MCPH1: variants seen among roughly 807,000 people sequenced by gnomAD.
The protein encoded by MCPH1 is microcephalin.
A neutral mutation model predicts 84.5 loss-of-function variants in MCPH1; 104 were observed. That is an observed-to-expected ratio of 1.23 (90% CI 1.05 to 1.45). The LOEUF is 1.45. Among genes scored for constraint, MCPH1 ranks in the 40% most tolerant of loss-of-function variants. The pLI is 0.00. For missense variants in MCPH1, 1,498 were observed against 1,005.7 expected (o/e 1.49, Z -6.62); for synonymous variants, 514 against 366.8 (o/e 1.40, Z -4.58).
chr8:6,474,025 A>C (rs1808113024), intron 9 of MCPH1: 3 of 841,404 alleles, frequency 3.6e-6, no homozygotes, highest in African/African-American at 3.3e-5. Flanking sequence ...GTTTCTTCTC[A>C]TTATAACCCC....
At chr8:6,526,169 C>T (rs1040681208) in intron 12 of MCPH1, among the ~76,000 whole-genome samples, 1 of 150,406 alleles carries the variant, frequency 6.6e-6, no homozygotes, top group African/African-American at 2.5e-5. Context: ...CCTGTAATCC[C>T]AGCACTTTAG....
At chr8:6,563,140 T>G (rs1586643998) in intron 12 of MCPH1, 2 of 502,384 alleles carry the variant, frequency 4.0e-6, no homozygotes, top group East Asian at 6.6e-5. Context: ...ACTGTCAGAT[T>G]GCAGTGGGAA....
intron 12 of MCPH1, among the ~76,000 whole-genome samples, chr8:6,555,653 G>A (rs566647891): frequency 1.3e-5 from 2 of 151,958 alleles, no homozygotes; most frequent in Non-Finnish European, 1.5e-5. Flanking sequence ...GGTAGAGACG[G>A]GGTTTCATCG....
At chr8:6,530,000 A>G (rs1160109494) in intron 12 of MCPH1, among the ~76,000 whole-genome samples, 2 of 151,784 alleles carry the variant, frequency 1.3e-5, no homozygotes, top group Non-Finnish European at 2.9e-5. Context: ...TTTCATTACT[A>G]TTATTATTTT....
At chr8:6,588,634 C>T (rs577175797) in intron 12 of MCPH1, among the ~76,000 whole-genome samples, 2 of 152,276 alleles carry the variant, frequency 1.3e-5, no homozygotes, top group Admixed American at 6.5e-5. Context: ...GTGTCTCTGG[C>T]GGCCACATCT....
chr8:6,495,958 C>T (rs2129561721), intron 11 of MCPH1, among the ~76,000 whole-genome samples: 1 of 152,214 alleles, frequency 6.6e-6, no homozygotes, highest in Non-Finnish European at 1.5e-5. Flanking sequence ...TTTTTGGCAC[C>T]AAGGACCAGT....
intron 12 of MCPH1, among the ~76,000 whole-genome samples, chr8:6,516,641 A>T (rs528033476): frequency 3.4e-4 from 52 of 152,358 alleles, no homozygotes; most frequent in Middle Eastern, 3.4e-3. Flanking sequence ...TTCATAAACC[A>T]GCTGAATAAG....
intron 12 of MCPH1, among the ~76,000 whole-genome samples, chr8:6,604,732 T>C (rs1479519991): frequency 1.3e-5 from 2 of 152,242 alleles, no homozygotes; most frequent in Non-Finnish European, 2.9e-5. Flanking sequence ...CTCGAATTCC[T>C]GACCTCAGGG....
chr8:6,428,085 A>C (rs1340439037), intron 3 of MCPH1, among the ~76,000 whole-genome samples: 1 of 151,832 alleles, frequency 6.6e-6, no homozygotes, highest in African/African-American at 2.4e-5. Context: ...CCTCGCCTAT[A>C]CTGTATTTTT....
At position 6,528,569 on chromosome 8, in the gene MCPH1, A is replaced by T. The variant is rs547467772; in HGVS notation, c.2214+28640A>T. Among the ~76,000 whole-genome samples the T allele has an allele frequency of 2.6e-5, 4 of 152,368 alleles. No homozygotes were observed. The South Asian group carries it at 8.3e-4, about 32-fold the overall frequency. On this transcript the variant is annotated intron_variant, in intron 12 of 13. Transcript: ENST00000344683. ...ATCGAAGCCGTATAGCGTGAGTGTGAAGCGGAGCCTCAGCCTTGCCGTGCG... is the reference window on the plus strand; with the variant it reads ...ATCGAAGCCGTATAGCGTGAGTGTGTAGCGGAGCCTCAGCCTTGCCGTGCG...
chr8:6,629,819 T>G (rs1024551369), intron 13 of MCPH1, among the ~76,000 whole-genome samples: 1 of 152,228 alleles, frequency 6.6e-6, no homozygotes, highest in African/African-American at 2.4e-5. Context: ...TGCAGTGAAT[T>G]ACTGAAAGAC....
At chr8:6,408,736 A>G (rs1172260820) in intron 1 of MCPH1, among the ~76,000 whole-genome samples, 1 of 151,524 alleles carries the variant, frequency 6.6e-6, no homozygotes, top group African/African-American at 2.4e-5. Flanking sequence ...TTAAAAACAA[A>G]ATTTTTTTTA....
At chr8:6,537,507 C>G (rs190981919) in intron 12 of MCPH1, among the ~76,000 whole-genome samples, 1 of 150,916 alleles carries the variant, frequency 6.6e-6, no homozygotes, top group Non-Finnish European at 1.5e-5. Flanking sequence ...GGCAGCGCAT[C>G]GAAACTCAAG....
intron 12 of MCPH1, among the ~76,000 whole-genome samples, chr8:6,561,288 T>G (rs1825497989): frequency 6.6e-6 from 1 of 152,246 alleles, no homozygotes; most frequent in African/African-American, 2.4e-5. Flanking sequence ...ACATGAAATC[T>G]ACATTTGATA....
At position 6,509,868 on chromosome 8, in the gene MCPH1, T is replaced by A. The variant is rs925987808; in HGVS notation, c.2214+9939T>A. Among the ~76,000 whole-genome samples, 27 of 152,314 alleles carry A rather than the reference T, an allele frequency of 1.8e-4. 1 individual carries two copies. The highest frequency in any genetic ancestry group is 6.3e-4 in the African/African-American group (26 of 41,576). On this transcript the variant is annotated intron_variant, in intron 12 of 13. Transcript: ENST00000344683. ...AACACGGTGCACGCAGTGTCTGTTG[T>A]TCACCCTGGGGATCACAGGACTGAC...
At position 6,643,003 on chromosome 8, in the gene MCPH1, C is replaced by T. The variant is rs1586908818; in HGVS notation, c.2462C>T (p.Thr821Ile). 2 of 1,614,074 alleles carry T rather than the reference C, an allele frequency of 1.2e-6. No homozygotes were observed. The highest frequency in any genetic ancestry group is 1.7e-6 in the Non-Finnish European group (2 of 1,179,954). The stretch of plus-strand genomic sequence containing the variant: ...TTCGCTCTCTCTCTAGATTCCATCA[C>T]CCAGCACAAGGTCTGTGCCCCTGAA... Reference protein sequence around the residue: ...LSEKWVLDSITQHKVCAPENY... With the variant: ...LSEKWVLDSIIQHKVCAPENY... The change falls in exon 14 of 14, where the codon ACC becomes ATC. Residue 821 changes from threonine (T) to isoleucine (I), a missense_variant. Thr to Ile is a moderately conservative substitution (Grantham distance 89). Coordinates refer to ENST00000344683, the MANE Select transcript of MCPH1 (RefSeq NM_024596.5).
At chr8:6,428,552 G>C (rs532446070) in intron 3 of MCPH1, among the ~76,000 whole-genome samples, 15 of 152,316 alleles carry the variant, frequency 9.8e-5, no homozygotes, top group Non-Finnish European at 1.3e-4. Flanking sequence ...GCCTCTAGTA[G>C]TCTACTTTCT....
intron 11 of MCPH1, among the ~76,000 whole-genome samples, chr8:6,488,588 C>T (rs1312470857): frequency 1.3e-5 from 2 of 152,056 alleles, no homozygotes; most frequent in Non-Finnish European, 2.9e-5. Flanking sequence ...ACTTAATGCA[C>T]CTGGCACAGA....
At chr8:6,584,245 C>T (rs1168903372) in intron 12 of MCPH1, among the ~76,000 whole-genome samples, 1 of 152,116 alleles carries the variant, frequency 6.6e-6, no homozygotes, top group Non-Finnish European at 1.5e-5. Context: ...GGAAGGAAAC[C>T]GTAAGTTCAT....
Sources: allele counts gnomAD v4.1 joint callset (sites outside exome capture counted in the v4.1 genomes callset), GRCh38; gene constraint gnomAD v4.1.1; transcripts MANE v1.5; gene names NCBI Gene and HGNC (gene_info 2026-07-23, HGNC 2026-07-21).